AK5: variants seen among roughly 807,000 people sequenced by gnomAD.
AK5 encodes adenylate kinase isoenzyme 5.
Under a neutral mutation model 69.5 loss-of-function variants are expected in AK5, and 27 were observed. The observed-to-expected ratio is 0.39, with a 90% CI of 0.29 to 0.54. AK5 has a LOEUF of 0.54. Ranked by LOEUF, AK5 falls within the 20% of genes least tolerant of loss-of-function variation. AK5 has a pLI of 0.71. For synonymous variants in AK5, 260 were observed against 244.4 expected (o/e 1.06, Z -0.60); for missense variants, 531 against 700.4 (o/e 0.76, Z 2.73).
intron 8 of AK5, among the ~76,000 whole-genome samples, chr1:77,471,387 G>A (rs970416707): frequency 1.3e-5 from 2 of 152,156 alleles, no homozygotes; most frequent in African/African-American, 2.4e-5. Context: ...AGTAAATGTA[G>A]TTATTGTTAT....
intron 10 of AK5, among the ~76,000 whole-genome samples, chr1:77,515,951 A>G (rs552392117): frequency 1.3e-5 from 2 of 152,228 alleles, no homozygotes; most frequent in Admixed American, 6.5e-5. Flanking sequence ...AGTCCCAGCT[A>G]ACTCAAGAGG....
chr1:77,448,990 G>A (rs1042354112), intron 8 of AK5, among the ~76,000 whole-genome samples: 1 of 152,214 alleles, frequency 6.6e-6, no homozygotes, highest in African/African-American at 2.4e-5. Context: ...GATGTCCAGG[G>A]AGAAGTTTGC....
At chr1:77,444,164 ACTCT>A (rs1338466155) in intron 8 of AK5, among the ~76,000 whole-genome samples, 1 of 113,012 alleles carries the variant, frequency 8.8e-6, no homozygotes, top group Admixed American at 9.1e-5. Context: ...TCTCTCTCTC[ACTCT>A]CTCTCTATAT....
intron 6 of AK5, among the ~76,000 whole-genome samples, chr1:77,373,375 C>T (rs1168693803): frequency 6.6e-6 from 1 of 152,136 alleles, no homozygotes; most frequent in African/African-American, 2.4e-5. Flanking sequence ...CAATTGCTTA[C>T]ATATATTAAT....
At chr1:77,337,673 C>T (rs748728101) in intron 5 of AK5, among the ~76,000 whole-genome samples, 4 of 152,156 alleles carry the variant, frequency 2.6e-5, no homozygotes, top group African/African-American at 4.8e-5. Context: ...AAGTGATTCT[C>T]TAATTTTTTA....
intron 6 of AK5, among the ~76,000 whole-genome samples, chr1:77,394,223 A>G (rs1425792368): frequency 6.6e-6 from 1 of 151,934 alleles, no homozygotes; most frequent in African/African-American, 2.4e-5. Context: ...TCAAAAAAAA[A>G]AAAAGAAAAA....
At chr1:77,529,225 T>G (rs944327605) in intron 12 of AK5, among the ~76,000 whole-genome samples, 6 of 152,210 alleles carry the variant, frequency 3.9e-5, no homozygotes, top group African/African-American at 1.4e-4. Flanking sequence ...ATAGTAATTA[T>G]TTTTTGAGTA....
intron 5 of AK5, among the ~76,000 whole-genome samples, chr1:77,321,657 G>A (rs1660541554): frequency 6.6e-6 from 1 of 152,124 alleles, no homozygotes; most frequent in Non-Finnish European, 1.5e-5. Context: ...CATACTTAAT[G>A]GTAAAATGTT....
At chr1:77,444,489 C>T (rs866345139) in intron 8 of AK5, among the ~76,000 whole-genome samples, 58 of 2,550 alleles carry the variant, frequency 0.023, 1 homozygote, top group African/African-American at 0.035. Context: ...ATAGTATATA[C>T]ATAGTATAAA....
At chr1:77,403,024 A>G (rs2100552109) in intron 6 of AK5, among the ~76,000 whole-genome samples, 1 of 151,960 alleles carries the variant, frequency 6.6e-6, no homozygotes, top group South Asian at 2.1e-4. Context: ...TGTGGTTTTG[A>G]TTTTCATTTC....
At position 77,486,346 on chromosome 1, in the gene AK5, A is replaced by T. The variant is rs774019672; in HGVS notation, c.1141A>T (p.Ile381Leu). ...TTTGAGAAAGTGTAAAATTATTTTC[A>T]TAATTGGTGAGTAACAGCCCTTGCA... ...EDLRKCKIIF[I>L]IGGPGSGKGT... Residue 381 changes from isoleucine (I) to leucine (L), a missense_variant, in exon 10 of 14, where the codon ATA becomes TTA. Ile to Leu is a conservative substitution (Grantham distance 5, BLOSUM62 2). Coordinates refer to ENST00000354567, the MANE Select transcript of AK5 (RefSeq NM_174858.3). 1.0e-5 allele frequency: 16 copies of T among 1,577,872 alleles called. No homozygotes were observed. The highest frequency in any genetic ancestry group is 1.3e-5 in the Non-Finnish European group (15 of 1,150,590).
intron 6 of AK5, among the ~76,000 whole-genome samples, chr1:77,364,479 A>C (rs1216432202): frequency 6.6e-6 from 1 of 152,120 alleles, no homozygotes; most frequent in African/African-American, 2.4e-5. Flanking sequence ...TATTCTTTCT[A>C]TCTAGCTGTA....
chr1:77,325,263 C>T (rs1340699375), intron 5 of AK5, among the ~76,000 whole-genome samples: 1 of 151,862 alleles, frequency 6.6e-6, no homozygotes, highest in Non-Finnish European at 1.5e-5. Flanking sequence ...CCTCGGCCTC[C>T]CAAAGTGTTG....
chr1:77,449,329 G>C (rs1417850635), intron 8 of AK5, among the ~76,000 whole-genome samples: 2 of 152,230 alleles, frequency 1.3e-5, no homozygotes, highest in Non-Finnish European at 2.9e-5. Flanking sequence ...AGTCAAAGGA[G>C]ATCATTCTGG....
intron 8 of AK5, among the ~76,000 whole-genome samples, chr1:77,476,126 T>C (rs77557138): frequency 0.01 from 1,565 of 152,292 alleles, 35 homozygotes; most frequent in East Asian, 0.079. Context: ...GCCTAGCATC[T>C]ACCACATTTT....
At chr1:77,407,669 A>G (rs1355298296) in intron 6 of AK5, among the ~76,000 whole-genome samples, 2 of 151,968 alleles carry the variant, frequency 1.3e-5, no homozygotes, top group Admixed American at 1.3e-4. Context: ...ACATGTGCAG[A>G]TTTGCTACCT....
chr1:77,430,844 G>A (rs145247410), intron 8 of AK5, among the ~76,000 whole-genome samples: 101 of 152,282 alleles, frequency 6.6e-4, no homozygotes, highest in African/African-American at 2.2e-3. Context: ...TAGAAACACG[G>A]AGGAAATTGA....
chr1:77,302,985 C>A (rs1038785905), intron 5 of AK5, among the ~76,000 whole-genome samples: 1 of 151,676 alleles, frequency 6.6e-6, no homozygotes, highest in Non-Finnish European at 1.5e-5. Context: ...AAATCAATGT[C>A]GCATGTTTTA....
chr1:77,329,484 C>T (rs1660979962), intron 5 of AK5, among the ~76,000 whole-genome samples: 1 of 152,106 alleles, frequency 6.6e-6, no homozygotes, highest in Non-Finnish European at 1.5e-5. Context: ...TGGTCTCAAA[C>T]TCCTGGGCTG....
Sources: gnomAD v4.1 joint callset for allele counts (sites outside exome capture counted in the v4.1 genomes callset) on GRCh38, gnomAD v4.1.1 for gene constraint, MANE v1.5 for transcripts, NCBI Gene and HGNC (gene_info 2026-07-23, HGNC 2026-07-21) for gene names.